The following DHRSX variants were observed in gnomAD, a reference collection of about 807,000 sequenced individuals.
DHRSX encodes dehydrogenase/reductase X-linked.
A neutral mutation model predicts 34.0 loss-of-function variants in DHRSX; 31 were observed. The ratio of observed to expected loss-of-function variants is 0.91; its 90% CI spans 0.69 to 1.23. DHRSX has a LOEUF of 1.23. Among genes scored for constraint, DHRSX ranks in the 50% most tolerant of loss-of-function variants. The probability of loss-of-function intolerance (pLI) is 0.00; values close to 1 mark genes in which losing one functional copy is unlikely to be tolerated. For missense variants in DHRSX, 414 were observed against 428.1 expected (o/e 0.97, Z 0.29); for synonymous variants, 201 against 183.8 (o/e 1.09, Z -0.76).
At chrX:2,382,657 CCATCATCACCAT>C (rs2043219661) in intron 3 of DHRSX, among the ~76,000 whole-genome samples, 1 of 51,782 alleles carries the variant, frequency 1.9e-5, no homozygotes, top group African/African-American at 6.8e-5. Context: ...ATCATCACCA[CCATCATCACCAT>C]CATCATCACC....
At chrX:2,303,185 G>A (rs2042033775) in intron 3 of DHRSX, among the ~76,000 whole-genome samples, 1 of 152,070 alleles carries the variant, frequency 6.6e-6, no homozygotes, top group South Asian at 2.1e-4. Flanking sequence ...GAGAAAAAAG[G>A]CTTATAGCCA....
chrX:2,251,985 C>A (rs909275791), intron 5 of DHRSX, among the ~76,000 whole-genome samples: 8 of 152,078 alleles, frequency 5.3e-5, no homozygotes, highest in African/African-American at 1.9e-4. Context: ...TGTCTGTAAT[C>A]CCAGCACTTT....
intron 2 of DHRSX, among the ~76,000 whole-genome samples, chrX:2,423,849 G>C (rs1436892717): frequency 2.0e-5 from 3 of 152,114 alleles, no homozygotes; most frequent in Non-Finnish European, 4.4e-5. Flanking sequence ...AGGAGTCAGA[G>C]ATCACGATAA....
chrX:2,429,682 C>T (rs1309261303), intron 1 of DHRSX, among the ~76,000 whole-genome samples: 1 of 151,888 alleles, frequency 6.6e-6, no homozygotes, highest in Admixed American at 6.6e-5. Context: ...TCTTGATCTC[C>T]GGGGCTCAAG....
chrX:2,348,391 C>G (rs185834988), intron 3 of DHRSX, among the ~76,000 whole-genome samples: 1 of 152,256 alleles, frequency 6.6e-6, no homozygotes, highest in East Asian at 1.9e-4. Context: ...TGCATTTGTT[C>G]GTTCTCTCTG....
intron 1 of DHRSX, among the ~76,000 whole-genome samples, chrX:2,481,404 G>A (rs1473622568): frequency 2.0e-5 from 3 of 152,108 alleles, no homozygotes; most frequent in South Asian, 2.1e-4. Flanking sequence ...GGTGGCTCAC[G>A]CCTGTCATCC....
intron 5 of DHRSX, among the ~76,000 whole-genome samples, chrX:2,244,852 T>C (rs34300087): frequency 0.21 from 31,793 of 151,484 alleles, 3,740 homozygotes; most frequent in African/African-American, 0.28. Flanking sequence ...GCTGGGACTA[T>C]AGGCGCCTGC....
chrX:2,474,423 C>G (rs765949978), intron 1 of DHRSX, among the ~76,000 whole-genome samples: 1 of 150,676 alleles, frequency 6.6e-6, no homozygotes, highest in East Asian at 2.0e-4. Context: ...GCTAAGGGAC[C>G]GCCCCCATGT....
intron 1 of DHRSX, among the ~76,000 whole-genome samples, chrX:2,497,214 G>A (rs1330332272): frequency 6.6e-6 from 1 of 152,086 alleles, no homozygotes; most frequent in Non-Finnish European, 1.5e-5. Flanking sequence ...GACCAACATG[G>A]AGAAACCCCA....
At chrX:2,402,625 G>A (rs1347301608) in intron 3 of DHRSX, among the ~76,000 whole-genome samples, 10 of 152,152 alleles carry the variant, frequency 6.6e-5, no homozygotes, top group African/African-American at 2.4e-4. Context: ...ATCAAGGACT[G>A]GAGAGTCCCC....
At chrX:2,447,567 C>T (rs1420634219) in intron 1 of DHRSX, among the ~76,000 whole-genome samples, 10 of 152,014 alleles carry the variant, frequency 6.6e-5, no homozygotes, top group South Asian at 4.1e-4. Flanking sequence ...AGCCCATCAA[C>T]GGGATACCTG....
At chrX:2,367,086 C>A (rs2043002405) in intron 3 of DHRSX, among the ~76,000 whole-genome samples, 1 of 152,064 alleles carries the variant, frequency 6.6e-6, no homozygotes, top group African/African-American at 2.4e-5. Context: ...GGCCCCCTTT[C>A]AAGAGGAACC....
chrX:2,438,282 T>C (rs900085690), intron 1 of DHRSX, among the ~76,000 whole-genome samples: 2 of 146,880 alleles, frequency 1.4e-5, no homozygotes, highest in African/African-American at 5.0e-5. Flanking sequence ...TGGAGCTTCA[T>C]ATAGTTACAC....
At chrX:2,431,044 G>A (rs764141222) in intron 1 of DHRSX, among the ~76,000 whole-genome samples, 147 of 151,126 alleles carry the variant, frequency 9.7e-4, no homozygotes, top group African/African-American at 3.4e-3. Context: ...AAAAAAAGAC[G>A]GCCGGGCACG....
chrX:2,424,442 C>G (rs1340300341), intron 2 of DHRSX, among the ~76,000 whole-genome samples: 1 of 151,962 alleles, frequency 6.6e-6, no homozygotes, highest in Non-Finnish European at 1.5e-5. Flanking sequence ...GAGGAACCAG[C>G]CTTACTCACA....
At chrX:2,427,327 C>T (rs746917731) in intron 1 of DHRSX, among the ~76,000 whole-genome samples, 22 of 152,312 alleles carry the variant, frequency 1.4e-4, no homozygotes, top group African/African-American at 3.9e-4. Context: ...AGTTCGTGAG[C>T]TTCTCTCTGG....
chrX:2,359,863 G>C (rs1467313076), intron 3 of DHRSX, among the ~76,000 whole-genome samples: 2 of 152,100 alleles, frequency 1.3e-5, no homozygotes, highest in East Asian at 1.9e-4. Flanking sequence ...TTATAAGTGA[G>C]AGCTAAATGA....
intron 4 of DHRSX, among the ~76,000 whole-genome samples, chrX:2,288,841 T>G (rs1461809169): frequency 6.6e-6 from 1 of 152,204 alleles, no homozygotes; most frequent in African/African-American, 2.4e-5. Context: ...CCTGTCCCAG[T>G]TTCCAGAATA....
At chrX:2,444,976 G>C (rs1485340615) in intron 1 of DHRSX, among the ~76,000 whole-genome samples, 7 of 152,264 alleles carry the variant, frequency 4.6e-5, no homozygotes, top group African/African-American at 1.7e-4. Context: ...GGCCAACATG[G>C]AGAAACCCCG....
Sources: gnomAD v4.1 joint callset for allele counts (sites outside exome capture counted in the v4.1 genomes callset) on GRCh38, gnomAD v4.1.1 for gene constraint, MANE v1.5 for transcripts, NCBI Gene and HGNC (gene_info 2026-07-23, HGNC 2026-07-21) for gene names.